The following RNF182 variants were observed in gnomAD, a reference collection of about 807,000 sequenced individuals.
RNF182 encodes the protein E3 ubiquitin-protein ligase RNF182.
In RNF182, 15 loss-of-function variants were observed where a neutral mutation model predicts 14.4. That is an observed-to-expected ratio of 1.04 (90% CI 0.70 to 1.60). RNF182 has a LOEUF of 1.60. Among genes scored for constraint, RNF182 ranks in the 40% most tolerant of loss-of-function variants. RNF182 has a pLI of 0.00. For missense variants in RNF182, 268 were observed against 294.8 expected, an observed-to-expected ratio of 0.91 and a Z score of 0.67; for synonymous variants, 128 against 122.9, an observed-to-expected ratio of 1.04 and a Z score of -0.27.
chr6:13,974,862 AT>A lies in RNF182; in HGVS notation c.-212+499del, dbSNP rs1423696367. 7.9e-5 allele frequency among the ~76,000 whole-genome samples: 12 copies of A among 152,146 alleles called. No homozygotes were observed. The East Asian group carries it at 2.3e-3, about 29-fold the overall frequency. On this transcript the variant is annotated intron_variant, in intron 2 of 2. Transcript: ENST00000488300. ...ACATACTTTCTTTTCCTTTTTCCAC[AT>A]GACTTCACATACCTCAGTCCTTTCT...
chr6:13,973,373 G>A (rs1760243384), intron 1 of RNF182, among the ~76,000 whole-genome samples: 1 of 152,132 alleles, frequency 6.6e-6, no homozygotes, highest in Non-Finnish European at 1.5e-5. Flanking sequence ...TGTTGGGAGG[G>A]CACGATTGGT....
chr6:13,936,171 C>T (rs1424752794), intron 1 of RNF182, among the ~76,000 whole-genome samples: 2 of 152,350 alleles, frequency 1.3e-5, no homozygotes, highest in East Asian at 3.9e-4. Flanking sequence ...GATCTAATCA[C>T]CTACCACCAG....
chr6:13,932,785 C>G (rs183119725), intron 1 of RNF182, among the ~76,000 whole-genome samples: 1 of 152,276 alleles, frequency 6.6e-6, no homozygotes, highest in African/African-American at 2.4e-5. Context: ...TGTGTACAGG[C>G]TGTTCCAATT....
At position 13,978,571 on chromosome 6, in the gene RNF182, TCTC is replaced by T. The variant is rs2308199; in HGVS notation, c.*712_*714del. The T allele has an allele frequency of 0.41, 68,092 of 166,542 alleles. 15,265 individuals carry two copies. The highest frequency in any genetic ancestry group is 0.51 in the Middle Eastern group (150 of 292). 10.3% of individuals were successfully genotyped at this position (166,542 alleles called of 1,614,324 possible). On this transcript the variant is annotated 3_prime_UTR_variant, in exon 3 of 3. Transcript: ENST00000488300. Reference sequence around the variant, plus strand: ...TCTTTCCTCCATGTCTGTTTTCCTCTCTCCTCAGTCTTATCTGAGAAGAATGGA... The same window carrying T: ...TCTTTCCTCCATGTCTGTTTTCCTCTCTCAGTCTTATCTGAGAAGAATGGA...
At chr6:13,959,321 T>C (rs1212372896) in intron 1 of RNF182, among the ~76,000 whole-genome samples, 1 of 152,184 alleles carries the variant, frequency 6.6e-6, no homozygotes, top group African/African-American at 2.4e-5. Context: ...AACAATAAGT[T>C]CAAGACAGGG....
At chr6:13,967,676 TA>T (rs999830848) in intron 1 of RNF182, among the ~76,000 whole-genome samples, 1 of 152,134 alleles carries the variant, frequency 6.6e-6, no homozygotes. Flanking sequence ...CATATGGCAA[TA>T]AAAAATAAAT....
chr6:13,937,941 C>T (rs1585031984), intron 1 of RNF182, among the ~76,000 whole-genome samples: 1 of 149,972 alleles, frequency 6.7e-6, no homozygotes, highest in East Asian at 1.9e-4. Context: ...TTTGGATAGC[C>T]TCTTCCATGA....
intron 1 of RNF182, among the ~76,000 whole-genome samples, chr6:13,968,036 C>G (rs1760078563): frequency 6.6e-6 from 1 of 151,630 alleles, no homozygotes; most frequent in Non-Finnish European, 1.5e-5. Flanking sequence ...AAAGTGTACT[C>G]TTAGTATGAA....
intron 1 of RNF182, among the ~76,000 whole-genome samples, chr6:13,968,665 T>A (rs937250631): frequency 2.0e-5 from 3 of 152,200 alleles, no homozygotes; most frequent in Non-Finnish European, 4.4e-5. Context: ...GGGGTGGTAT[T>A]CAGGCTGATA....
intron 1 of RNF182, among the ~76,000 whole-genome samples, chr6:13,960,717 T>TA (rs1344018828): frequency 6.7e-6 from 1 of 149,260 alleles, no homozygotes; most frequent in Non-Finnish European, 1.5e-5. Context: ...GCATGTGATG[T>TA]ACAGTATTAG....
chr6:13,960,309 A>G (rs1759835500), intron 1 of RNF182, among the ~76,000 whole-genome samples: 1 of 152,192 alleles, frequency 6.6e-6, no homozygotes, highest in African/African-American at 2.4e-5. Flanking sequence ...AAGTGATAAT[A>G]TATCAAAAGA....
At chr6:13,975,485 A>G (rs1760299136) in intron 2 of RNF182, among the ~76,000 whole-genome samples, 1 of 152,124 alleles carries the variant, frequency 6.6e-6, no homozygotes, top group South Asian at 2.1e-4. Flanking sequence ...AAAAAATCCT[A>G]CCTACATTTT....
chr6:13,952,379 G>A (rs1412569042), intron 1 of RNF182, among the ~76,000 whole-genome samples: 1 of 152,096 alleles, frequency 6.6e-6, no homozygotes, highest in Non-Finnish European at 1.5e-5. Context: ...GTTCAAGGCA[G>A]ATTAATCCAC....
rs1760374750 is a variant in RNF182, at chr6:13,977,744, G to A, written c.625G>A (p.Val209Ile). 2 of 1,614,004 alleles carry A rather than the reference G, an allele frequency of 1.2e-6. No homozygotes were observed. The highest frequency in any genetic ancestry group is 1.7e-6 in the Non-Finnish European group (2 of 1,180,040). ...AATCTACTTACTGGTGTCTAAGAAA[G>A]TCACCCTTGGGGTCGTCTTTGTCAG... ...LGIYLLVSKK[V>I]TLGVVFVSLV... Residue 209 changes from valine to isoleucine, a missense_variant, in exon 3 of 3, where the codon GTC becomes ATC. Coordinates refer to ENST00000488300, the MANE Select transcript of RNF182 (RefSeq NM_152737.4).
intron 1 of RNF182, among the ~76,000 whole-genome samples, chr6:13,947,089 A>G (rs1026858207): frequency 2.6e-5 from 4 of 152,206 alleles, no homozygotes; most frequent in South Asian, 2.1e-4. Context: ...GAACTGGGCA[A>G]TTGTGGGAAC....
intron 2 of RNF182, among the ~76,000 whole-genome samples, chr6:13,976,457 T>C (rs1760329108): frequency 6.6e-6 from 1 of 152,218 alleles, no homozygotes; most frequent in African/African-American, 2.4e-5. Context: ...CATTTGTCCT[T>C]AATATTCCCT....
chr6:13,938,010 T>TG (rs1173527649), intron 1 of RNF182, among the ~76,000 whole-genome samples: 151 of 137,994 alleles, frequency 1.1e-3, no homozygotes, highest in Middle Eastern at 3.5e-3. Context: ...TACTGTTTTT[T>TG]TTTTTTTTTT....
At chr6:13,969,105 T>TTTTG (rs139798081) in intron 1 of RNF182, among the ~76,000 whole-genome samples, 4 of 151,170 alleles carry the variant, frequency 2.6e-5, no homozygotes, top group Non-Finnish European at 4.4e-5. Flanking sequence ...GTCTCTGTTT[T>TTTTG]TTGTTGTTGT....
chr6:13,960,527 T>C (rs1201899021), intron 1 of RNF182, among the ~76,000 whole-genome samples: 1 of 152,158 alleles, frequency 6.6e-6, no homozygotes, highest in African/African-American at 2.4e-5. Context: ...TGTTACTCTT[T>C]TAAGTGAATT....
Sources: gnomAD v4.1 joint callset for allele counts (sites outside exome capture counted in the v4.1 genomes callset) on GRCh38, gnomAD v4.1.1 for gene constraint, MANE v1.5 for transcripts, NCBI Gene and HGNC (gene_info 2026-07-23, HGNC 2026-07-21) for gene names.